SCN8A: variants seen among roughly 807,000 people sequenced by gnomAD.
SCN8A encodes the protein sodium voltage-gated channel alpha subunit 8, also known as sodium channel protein type 8 subunit alpha.
A neutral mutation model predicts 184.1 loss-of-function variants in SCN8A; 30 were observed. That is an observed-to-expected ratio of 0.16 (90% CI 0.12 to 0.22). SCN8A has a LOEUF of 0.22. Among genes scored for constraint, SCN8A ranks in the 10% least tolerant of loss-of-function variants. The probability of loss-of-function intolerance (pLI) is 1.00; values close to 1 mark genes in which losing one functional copy is unlikely to be tolerated. For synonymous variants in SCN8A, 852 were observed against 907.0 expected, an observed-to-expected ratio of 0.94 and a Z score of 1.09; for missense variants, 1,057 against 2,498.9, an observed-to-expected ratio of 0.42 and a Z score of 12.30.
At chr12:51,728,851 C>A (rs1244636781) in intron 12 of SCN8A, among the ~76,000 whole-genome samples, 1 of 152,090 alleles carries the variant, frequency 6.6e-6, no homozygotes, top group Non-Finnish European at 1.5e-5. Context: ...CAAACATGCA[C>A]CCCCCAACCC....
intron 1 of SCN8A, among the ~76,000 whole-genome samples, chr12:51,630,245 C>T (rs1378584373): frequency 6.6e-6 from 1 of 152,088 alleles, no homozygotes; most frequent in African/African-American, 2.4e-5. Context: ...AACTTAAACT[C>T]TAGCTATTAA....
intron 2 of SCN8A, 140 bp downstream of exon 2, chr12:51,663,233 A>G: frequency 1.0e-6 from 1 of 996,386 alleles, no homozygotes; most frequent in Non-Finnish European, 1.5e-6. Context: ...TGTGGGGATT[A>G]TTTTTCATTT....
In SCN8A at chr12:51,726,354, A is replaced by G. The variant is rs978419986; in HGVS notation, c.1998+4446A>G. ...AAATGTATAAGCATTATCTCATTTA[A>G]TGCTTACAGCCTGGACCTTATGAAA... On this transcript the variant is annotated intron_variant, in intron 12 of 26. Coordinates refer to ENST00000627620, the MANE Select transcript of SCN8A (RefSeq NM_001330260.2). Among the ~76,000 whole-genome samples, 6 of 152,246 alleles carry G rather than the reference A, an allele frequency of 3.9e-5. No individual in the cohort carries two copies. In the East Asian group the frequency reaches 1.2e-3, roughly 29 times the overall value.
At chr12:51,789,190 C>T in intron 23 of SCN8A, 91 bp from the exon 24 acceptor site, 1 of 1,404,292 alleles carries the variant, frequency 7.1e-7, no homozygotes, top group Non-Finnish European at 9.9e-7. Context: ...TGTTTAGCAG[C>T]TCAAATGGTC....
intron 16 of SCN8A, among the ~76,000 whole-genome samples, chr12:51,767,893 A>C (rs1412042634): frequency 6.6e-6 from 1 of 152,204 alleles, no homozygotes; most frequent in Non-Finnish European, 1.5e-5. Context: ...CCTTTACTCA[A>C]GAACCAGTAG....
chr12:51,595,052 G>A (rs1939314757), intron 1 of SCN8A, among the ~76,000 whole-genome samples: 1 of 152,134 alleles, frequency 6.6e-6, no homozygotes. Context: ...CACATTAACT[G>A]AGGAATCAAT....
At chr12:51,629,067 G>C (rs776327625) in intron 1 of SCN8A, among the ~76,000 whole-genome samples, 5 of 152,158 alleles carry the variant, frequency 3.3e-5, no homozygotes, top group Non-Finnish European at 7.3e-5. Flanking sequence ...CTACTGTTTG[G>C]CCTCAAAAAC....
At chr12:51,633,069 T>G (rs2138618135) in intron 1 of SCN8A, among the ~76,000 whole-genome samples, 1 of 152,308 alleles carries the variant, frequency 6.6e-6, no homozygotes, top group South Asian at 2.1e-4. Flanking sequence ...TTTGTTAAGC[T>G]CTGTGTTACA....
chr12:51,759,370 C>G (rs1327836484), intron 14 of SCN8A, among the ~76,000 whole-genome samples: 1 of 151,984 alleles, frequency 6.6e-6, no homozygotes, highest in Admixed American at 6.6e-5. Flanking sequence ...AATCTGATAA[C>G]CAAGATGGCT....
chr12:51,719,761 A>C (rs1433036764), intron 11 of SCN8A, among the ~76,000 whole-genome samples: 1 of 149,948 alleles, frequency 6.7e-6, no homozygotes, highest in Non-Finnish European at 1.5e-5. Context: ...AAGGAGAAGA[A>C]TAAATAAGAA....
chr12:51,745,318 CA>C (rs1472562948), intron 12 of SCN8A, among the ~76,000 whole-genome samples: 16 of 152,180 alleles, frequency 1.1e-4, no homozygotes, highest in African/African-American at 3.9e-4. Flanking sequence ...TACTTTCTTA[CA>C]ATGGCTTGTA....
At chr12:51,684,043 T>G (rs558205625) in intron 2 of SCN8A, 131 bp from the exon 3 acceptor site, 1 of 688,476 alleles carries the variant, frequency 1.5e-6, no homozygotes, top group South Asian at 1.6e-5. Context: ...TTTGCTTGTT[T>G]AAAAACCAAG....
rs1482268495 is a variant in SCN8A at position 51,762,521 on chromosome 12, A to G, written c.2389A>G (p.Thr797Ala). The change falls in exon 15 of 27, where the codon ACA (threonine) becomes GCA (alanine). Residue 797 changes from threonine to alanine, a missense_variant. Thr to Ala is a moderately conservative substitution (Grantham distance 58). Coordinates refer to ENST00000627620, the MANE Select transcript of SCN8A (RefSeq NM_001330260.2). ...VGNLVFTGIF[T>A]AEMFLKLIAM... ...TATTTAGGTTTTCACTGGAATTTTC[A>G]CAGCGGAAATGTTCCTGAAGCTCAT... 1 of 1,613,410 alleles carries G rather than the reference A, an allele frequency of 6.2e-7. No individual in the cohort carries two copies. The highest frequency in any genetic ancestry group is 8.5e-7 in the Non-Finnish European group (1 of 1,179,754).
chr12:51,635,803 AT>A (rs1436436870), intron 1 of SCN8A, among the ~76,000 whole-genome samples: 4 of 152,198 alleles, frequency 2.6e-5, no homozygotes, highest in Non-Finnish European at 1.5e-5. Context: ...TTGTTTTTAA[AT>A]CTGGCCTTAA....
At chr12:51,651,874 A>G (rs78641144) in intron 1 of SCN8A, among the ~76,000 whole-genome samples, 2,812 of 152,320 alleles carry the variant, frequency 0.018, 86 homozygotes, top group African/African-American at 0.064. Flanking sequence ...AGCAGCTGAC[A>G]TGGGTCTTCT....
chr12:51,621,461 T>C (rs1329000603), intron 1 of SCN8A, among the ~76,000 whole-genome samples: 4 of 152,364 alleles, frequency 2.6e-5, no homozygotes, highest in African/African-American at 9.6e-5. Context: ...AAGTGCATCA[T>C]ATTGGTGACC....
At chr12:51,688,131 A>G (rs1421401079) in intron 5 of SCN8A, among the ~76,000 whole-genome samples, 1 of 152,224 alleles carries the variant, frequency 6.6e-6, no homozygotes, top group Non-Finnish European at 1.5e-5. Context: ...TGTTCATTTA[A>G]AATTTTTAAG....
intron 2 of SCN8A, among the ~76,000 whole-genome samples, chr12:51,669,801 C>T (rs1941099415): frequency 6.6e-6 from 1 of 152,186 alleles, no homozygotes. Flanking sequence ...GATACATACA[C>T]ACGCAGCCCT....
At chr12:51,645,103 G>A (rs1940544373) in intron 1 of SCN8A, among the ~76,000 whole-genome samples, 1 of 148,998 alleles carries the variant, frequency 6.7e-6, no homozygotes, top group African/African-American at 2.5e-5. Flanking sequence ...CGCCCGGCCA[G>A]CCGCCCCGTC....
Sources: allele counts gnomAD v4.1 joint callset (sites outside exome capture counted in the v4.1 genomes callset), GRCh38; gene constraint gnomAD v4.1.1; transcripts MANE v1.5; gene names NCBI Gene and HGNC (gene_info 2026-07-23, HGNC 2026-07-21).